Variants in CEP63 observed in about 807,000 individuals in gnomAD.
The protein encoded by CEP63 is centrosomal protein of 63 kDa.
A neutral mutation model predicts 89.1 loss-of-function variants in CEP63; 84 were observed. The ratio of observed to expected loss-of-function variants is 0.94; its 90% CI spans 0.79 to 1.13. CEP63 has a LOEUF of 1.13. CEP63 is among the 50% of genes most tolerant of loss of function. The pLI is 0.00. For synonymous variants in CEP63, 267 were observed against 272.5 expected (o/e 0.98, Z 0.20); for missense variants, 838 against 813.3 (o/e 1.03, Z -0.37).
chr3:134,599,612 C>T, the CEP63 span, among the ~76,000 whole-genome samples: 1 of 151,918 alleles, frequency 6.6e-6, no homozygotes. Flanking sequence ...TTTTTTTTCT[C>T]CCACTGTAAA....
At chr3:134,505,572 A>G (rs770091288) in intron 2 of CEP63, among the ~76,000 whole-genome samples, 4 of 152,162 alleles carry the variant, frequency 2.6e-5, no homozygotes, top group Non-Finnish European at 4.4e-5. Flanking sequence ...AGTAGCAGGC[A>G]GGGCAGATCA....
the CEP63 span, among the ~76,000 whole-genome samples, chr3:134,624,059 C>A: frequency 1.3e-5 from 2 of 152,134 alleles, no homozygotes; most frequent in African/African-American, 4.8e-5. Flanking sequence ...GACACTAGAG[C>A]CCCTCATATC....
the CEP63 span, among the ~76,000 whole-genome samples, chr3:134,714,677 C>G: frequency 1.3e-5 from 2 of 152,258 alleles, no homozygotes; most frequent in East Asian, 1.9e-4. Context: ...TAGCATCTAG[C>G]TATCCCTGGC....
the CEP63 span, among the ~76,000 whole-genome samples, chr3:134,594,332 A>G: frequency 6.6e-6 from 1 of 152,078 alleles, no homozygotes; most frequent in African/African-American, 2.4e-5. Flanking sequence ...CAGCCTCTCC[A>G]TAGCTGCCCC....
the CEP63 span, chr3:134,604,048 T>C: frequency 6.2e-7 from 1 of 1,613,970 alleles, no homozygotes; most frequent in Non-Finnish European, 8.5e-7. Flanking sequence ...CCGCTGTGTC[T>C]CCTCAGTGAT....
chr3:134,615,399 G>T, the CEP63 span: 1 of 141,012 alleles, frequency 7.1e-6, no homozygotes, highest in Non-Finnish European at 1.5e-5. Flanking sequence ...TTGGGAAAAT[G>T]GAAAAATCAT....
the CEP63 span, among the ~76,000 whole-genome samples, chr3:134,712,588 T>C: frequency 0.54 from 82,690 of 151,934 alleles, 24,226 homozygotes; most frequent in East Asian, 0.78. Flanking sequence ...AAAAAGTTTT[T>C]TCTCTCCCTG....
intron 12 of CEP63, among the ~76,000 whole-genome samples, chr3:134,555,762 GGA>G (rs1491285136): frequency 2.0e-5 from 3 of 150,502 alleles, no homozygotes; most frequent in Admixed American, 2.0e-4. Flanking sequence ...TCACAGAATT[GGA>G]AAAAACTACT....
the CEP63 span, among the ~76,000 whole-genome samples, chr3:134,730,262 T>C: frequency 1.3e-5 from 2 of 152,222 alleles, no homozygotes; most frequent in Non-Finnish European, 2.9e-5. Context: ...GCTCAGACAG[T>C]CTTGCCAGCA....
At chr3:134,486,269 G>T in intron 1 of CEP63, 67 bp downstream of exon 1, 1 of 985,584 alleles carries the variant, frequency 1.0e-6, no homozygotes, top group Non-Finnish European at 1.2e-6. Flanking sequence ...CAAGTTGGAG[G>T]GGCAAGGGGC....
rs540065583 is a variant in CEP63, at chr3:134,545,590, A to C, written c.560A>C (p.Gln187Pro). The C allele has an allele frequency of 1.2e-6, 2 of 1,612,476 alleles. No homozygotes were observed. The highest frequency in any genetic ancestry group is 1.3e-5 in the African/African-American group (1 of 75,008). The change falls in exon 7 of 15, where the codon CAG (glutamine) becomes CCG (proline). Residue 187 changes from glutamine (Q) to proline (P), a missense_variant. Transcript: ENST00000675561. ...LAEQSEIIQAQLVNRKQKLES... is the reference protein window; with the variant it reads ...LAEQSEIIQAPLVNRKQKLES... Reference sequence around the variant, plus strand: ...ATTGATAGTCTGTGTTTCTAGGCTCAGCTTGTCAATCGGAAACAGAAATTA... The same window carrying C: ...ATTGATAGTCTGTGTTTCTAGGCTCCGCTTGTCAATCGGAAACAGAAATTA...
the CEP63 span, among the ~76,000 whole-genome samples, chr3:134,686,173 C>T: frequency 2.0e-5 from 3 of 152,280 alleles, no homozygotes; most frequent in African/African-American, 7.2e-5. Context: ...ATGGTGGTGG[C>T]GGCTGCTGCT....
chr3:134,538,831 C>G (rs1951412929), intron 6 of CEP63, among the ~76,000 whole-genome samples: 2 of 151,898 alleles, frequency 1.3e-5, no homozygotes, highest in East Asian at 1.9e-4. Flanking sequence ...TATAGATTCT[C>G]TCTTCAAATT....
chr3:134,751,020 C>A, the CEP63 span, among the ~76,000 whole-genome samples: 7 of 152,170 alleles, frequency 4.6e-5, no homozygotes, highest in Non-Finnish European at 5.9e-5. Flanking sequence ...CAAAGGAAAC[C>A]GTTTCACCCA....
chr3:134,740,519 G>A, the CEP63 span, among the ~76,000 whole-genome samples: 2 of 151,984 alleles, frequency 1.3e-5, no homozygotes, highest in East Asian at 1.9e-4. Flanking sequence ...GGATGGTCTC[G>A]ATCTCCTGAC....
intron 11 of CEP63, among the ~76,000 whole-genome samples, chr3:134,574,616 T>C (rs902410326): frequency 4.6e-5 from 7 of 152,190 alleles, no homozygotes; most frequent in Non-Finnish European, 1.0e-4. Context: ...GCTAAGATTT[T>C]GTTTTTTTGG....
At chr3:134,648,521 T>C in the CEP63 span, among the ~76,000 whole-genome samples, 5 of 152,218 alleles carry the variant, frequency 3.3e-5, no homozygotes, top group Admixed American at 6.5e-5. Context: ...CAGGAGTATA[T>C]GCACTCTACT....
chr3:134,662,623 C>T, the CEP63 span, among the ~76,000 whole-genome samples: 1 of 152,142 alleles, frequency 6.6e-6, no homozygotes, highest in African/African-American at 2.4e-5. Context: ...GGCAGCTATT[C>T]AGCATGAATA....
chr3:134,771,506 G>A, the CEP63 span, among the ~76,000 whole-genome samples: 1 of 152,192 alleles, frequency 6.6e-6, no homozygotes, highest in African/African-American at 2.4e-5. Context: ...GATACAGCAG[G>A]TCAGGGTGGG....
Sources: allele counts gnomAD v4.1 joint callset (sites outside exome capture counted in the v4.1 genomes callset), GRCh38; gene constraint gnomAD v4.1.1; transcripts MANE v1.5; gene names NCBI Gene and HGNC (gene_info 2026-07-23, HGNC 2026-07-21).